DIDO1: variants seen among roughly 807,000 people sequenced by gnomAD.
DIDO1 encodes the protein death-inducer obliterator 1.
Under a neutral mutation model 99.4 loss-of-function variants are expected in DIDO1, and 16 were observed. The observed-to-expected ratio is 0.16, with a 90% confidence interval of 0.11 to 0.24. DIDO1 has a LOEUF of 0.24. Among genes scored for constraint, DIDO1 ranks in the 10% least tolerant of loss-of-function variants. The pLI is 1.00. For missense variants in DIDO1, 2,996 were observed against 3,014.0 expected (o/e 0.99, Z 0.14); for synonymous variants, 1,366 against 1,239.1 (o/e 1.10, Z -2.15).
chr20:62,917,708 G>A (rs542894578), intron 1 of DIDO1, among the ~76,000 whole-genome samples: 2 of 152,246 alleles, frequency 1.3e-5, no homozygotes, highest in African/African-American at 4.8e-5. Context: ...TGCGGGTTCC[G>A]AAAAAAATTA....
At chr20:62,903,363 G>C (rs972635909) in intron 6 of DIDO1, among the ~76,000 whole-genome samples, 1 of 152,174 alleles carries the variant, frequency 6.6e-6, no homozygotes, top group African/African-American at 2.4e-5. Context: ...GAGCAGCAGC[G>C]GTAGCTCCAC....
intron 1 of DIDO1, among the ~76,000 whole-genome samples, chr20:62,932,098 T>C (rs912085260): frequency 3.3e-5 from 5 of 152,246 alleles, no homozygotes; most frequent in African/African-American, 1.2e-4. Flanking sequence ...GGTCTCAAAC[T>C]CCTGGCCTCA....
In DIDO1 at chr20:62,911,907, G is replaced by A. The variant is rs973325477; in HGVS notation, c.-2-293C>T. The stretch of plus-strand genomic sequence containing the variant: ...AGGACAAGGCTTCACAAGCCAGACA[G>A]TAGGGACAAATAGGAAATATTGGAC... On this transcript the variant is annotated intron_variant, in intron 2 of 15. Transcript: ENST00000395343. This position sits in a 1 kb window ranked among gnomAD's most constrained non-coding sequence, Gnocchi z 7.0. Among the ~76,000 whole-genome samples the A allele has an allele frequency of 6.6e-6, 1 of 152,266 alleles. No homozygotes were observed. Among genetic ancestry groups the A allele is most frequent in the South Asian group, 2.1e-4 (1 of 4,838 alleles).
intron 2 of DIDO1, among the ~76,000 whole-genome samples, chr20:62,913,363 G>A (rs1223092684): frequency 6.6e-6 from 1 of 152,026 alleles, no homozygotes; most frequent in African/African-American, 2.4e-5. Flanking sequence ...CACTAGAGAT[G>A]GTGGTAAACA....
At chr20:62,905,504 A>G in intron 6 of DIDO1, 1 of 1,550,880 alleles carries the variant, frequency 6.4e-7, no homozygotes, top group Non-Finnish European at 8.7e-7. Flanking sequence ...CGCTGTTGTC[A>G]GAACAACTCA....
In DIDO1 at chr20:62,879,585, C is replaced by T. The variant is rs1317803386; in HGVS notation, c.6371G>A (p.Ser2124Asn). 1.2e-6 allele frequency: 2 copies of T among 1,602,266 alleles called. No homozygotes were observed. The highest frequency in any genetic ancestry group is 2.2e-5 in the East Asian group (1 of 44,824). ...GGGCCGGTCCCAGTCCCGCTCTCGG[C>T]TCCAGTTTCGGCCGCGCTCGCGCTC... ...RRERERGRNW[S>N]RERDWDRPRE... The change falls in exon 16 of 16, where the codon AGC (serine) becomes AAC (asparagine). Residue 2124 changes from serine to asparagine, a missense_variant. Around this residue, in one of 5 missense-constraint regions of DIDO1, gnomAD observed 1,562 missense variants for 1,412.6 expected, o/e 1.11. Transcript: ENST00000395343. The surrounding 1 kb of genome is among the most constrained non-coding windows in gnomAD (Gnocchi z 6.3).
At chr20:62,895,632 G>A (rs1456524936) in intron 8 of DIDO1, among the ~76,000 whole-genome samples, 2 of 152,210 alleles carry the variant, frequency 1.3e-5, no homozygotes, top group Admixed American at 1.3e-4. Flanking sequence ...TCTAAACAGG[G>A]AGGAGCCTGG....
intron 15 of DIDO1, chr20:62,890,427 A>C (rs1200470662): frequency 1.0e-6 from 1 of 990,386 alleles, no homozygotes; most frequent in Non-Finnish European, 1.2e-6. Flanking sequence ...ACGTGCAAAC[A>C]CAAAATAGCT....
chr20:62,924,877 A>G, intron 1 of DIDO1, among the ~76,000 whole-genome samples: 1 of 152,196 alleles, frequency 6.6e-6, no homozygotes, highest in East Asian at 1.9e-4. Context: ...CCTCTGGTGG[A>G]AAGCCTGAAA....
In DIDO1 at chr20:62,881,638, T is replaced by C. The variant is rs2064208387; in HGVS notation, c.4318A>G (p.Thr1440Ala). The C allele has an allele frequency of 6.2e-7, 1 of 1,612,688 alleles. No homozygotes were observed. Among genetic ancestry groups the C allele is most frequent in the African/African-American group, 1.3e-5 (1 of 75,042 alleles). Residue 1440 changes from threonine to alanine, a missense_variant, in exon 16 of 16, where the codon ACT becomes GCT. Coordinates refer to ENST00000395343, the MANE Select transcript of DIDO1 (RefSeq NM_001193369.2). This position sits in a 1 kb window ranked among gnomAD's most constrained non-coding sequence, Gnocchi z 8.3. ...ATCCTGTTGGGCAGGTCATCAACAG[T>C]CACTTTCGCTTCTTCTAAGATGGTC... The part of the protein sequence containing the change: ...DETILEEAKV[T>A]VDDLPNRMCA...
rs997383073 is a variant in DIDO1 at position 62,893,736 on chromosome 20, A to G, written c.3031T>C (p.Ser1011Pro). The G allele has an allele frequency of 1.4e-5, 22 of 1,614,052 alleles. No homozygotes were observed. Among genetic ancestry groups the G allele is most frequent in the Non-Finnish European group, 1.9e-5 (22 of 1,180,028 alleles). Residue 1011 changes from serine (S) to proline (P), a missense_variant, in exon 12 of 16, where the codon TCC (serine) becomes CCC (proline). Transcript: ENST00000395343. ...GATGAGGATGGCTTAGCTAGTATGG[A>G]CTTGGGCACCATCACAGAAGTCAAG... The part of the protein sequence containing the change: ...PVLTSVMVPK[S>P]ILAKPSSSPD...
In DIDO1 at chr20:62,882,063, G is replaced by A. The variant is rs558826220; in HGVS notation, c.3893C>T (p.Thr1298Met). The change falls in exon 16 of 16, where the codon ACG (threonine) becomes ATG (methionine). Residue 1298 changes from threonine to methionine, a missense_variant. Coordinates refer to ENST00000395343, the MANE Select transcript of DIDO1 (RefSeq NM_001193369.2). ...TAATTAAAASTAASSTASSAS... is the reference protein window; with the variant it reads ...TAATTAAAASMAASSTASSAS... ...AGACGAAGCGGTGGAGGAAGCTGCC[G>A]TGGAGGCTGCCGCTGCTGTTGTGGC... 2.9e-5 allele frequency: 46 copies of A among 1,613,552 alleles called. No homozygotes were observed. The South Asian group carries it at 4.3e-4, about 15-fold the overall frequency.
rs374200637 is a variant in DIDO1, at chr20:62,892,979, T to C, written c.3102-17A>G. On this transcript the variant is annotated splice_polypyrimidine_tract_variant and intron_variant, in intron 12 of 15. Coordinates refer to ENST00000395343, the MANE Select transcript of DIDO1 (RefSeq NM_001193369.2). ...TCTGAAGTGCTGTAAAACAAAACCA[T>C]AAAAAAAAAGTCAATGTCTCTCTGT... The C allele has an allele frequency of 1.2e-5, 19 of 1,563,790 alleles. No homozygotes were observed. Among genetic ancestry groups the C allele is most frequent in the Non-Finnish European group, 1.6e-5 (19 of 1,153,226 alleles).
intron 15 of DIDO1, chr20:62,887,777 C>A: frequency 5.0e-5 from 49 of 985,492 alleles, no homozygotes; most frequent in Non-Finnish European, 5.8e-5. Flanking sequence ...CTCTGCGACC[C>A]CAAGTCCCTG....
At chr20:62,909,596 CA>C in intron 4 of DIDO1, 102 bp downstream of exon 4, 1 of 1,435,562 alleles carries the variant, frequency 7.0e-7, no homozygotes, top group South Asian at 1.3e-5. Context: ...GGCACCGCCC[CA>C]CATGGGTGCA....
rs764917683 is a variant in DIDO1, at chr20:62,881,567, C to A, written c.4389G>T (p.Pro1463=). Residue 1463 remains proline (P), a synonymous_variant, in exon 16 of 16, where the codon CCG becomes CCT. Transcript: ENST00000395343. The surrounding 1 kb of genome is among the most constrained non-coding windows in gnomAD (Gnocchi z 8.3). ...RRNSVERPAE[P]VAGAATPSLV... is the part of the protein sequence containing the mutation. ...GGGAGGGCGTCGCAGCCCCGGCCAC[C>A]GGCTCGGCAGGCCTCTCCACGGAGT... 6.2e-7 allele frequency: 1 copy of A among 1,611,238 alleles called. No homozygotes were observed. The highest frequency in any genetic ancestry group is 2.2e-5 in the East Asian group (1 of 44,896).
At chr20:62,937,521 C>T (rs1389915223) in intron 1 of DIDO1, among the ~76,000 whole-genome samples, 1 of 152,234 alleles carries the variant, frequency 6.6e-6, no homozygotes, top group African/African-American at 2.4e-5. Context: ...AGGGCAGGGC[C>T]CTTCTGATTC....
At chr20:62,929,337 C>T (rs192106856), upstream of DIDO1, 3,850 of 151,884 alleles carry the variant, frequency 0.025, 61 homozygotes, top group African/African-American at 0.043. Flanking sequence ...GGGGGAGGGG[C>T]ACGGGGAGGG....
intron 8 of DIDO1, among the ~76,000 whole-genome samples, chr20:62,895,596 G>A (rs1301570157): frequency 6.6e-6 from 1 of 152,260 alleles, no homozygotes; most frequent in Non-Finnish European, 1.5e-5. Flanking sequence ...GAGATGCAAA[G>A]TCAGGGTATT....
Sources: gnomAD v4.1 joint callset for allele counts (sites outside exome capture counted in the v4.1 genomes callset) on GRCh38, gnomAD v4.1.1 for gene constraint, gnomAD v4.1.1 regional missense constraint, Gnocchi (gnomAD v3.1) non-coding constraint, MANE v1.5 for transcripts, NCBI Gene and HGNC (gene_info 2026-07-23, HGNC 2026-07-21) for gene names.